NRIP2: variants seen among roughly 807,000 people sequenced by gnomAD.
The protein encoded by NRIP2 is nuclear receptor interacting protein 2.
A neutral mutation model predicts 34.1 loss-of-function variants in NRIP2; 27 were observed. That is an observed-to-expected ratio of 0.79 (90% CI 0.58 to 1.09). NRIP2 has a LOEUF of 1.09. Among genes scored for constraint, NRIP2 ranks in the 50% least tolerant of loss-of-function variants. NRIP2 has a pLI of 0.00. For missense variants in NRIP2, 385 were observed against 352.6 expected, an observed-to-expected ratio of 1.09 and a Z score of -0.74; for synonymous variants, 145 against 146.9, an observed-to-expected ratio of 0.99 and a Z score of 0.09.
At position 2,834,908 on chromosome 12, in the gene NRIP2, G is replaced by T. The variant is rs774536426; in HGVS notation, c.76C>A (p.Gln26Lys). The change falls in exon 1 of 6, where the codon CAG becomes AAG. Residue 26 changes from glutamine (Q) to lysine (K), a missense_variant. Transcript: ENST00000337508. ...GAGTCCTCTCTGCTTCTTCCTGCCT[G>T]TCTCTGTCCCGTGCTGCAGCTCTCT... ...WKESCSTGQRQAGRSREDSVT... is the reference protein window; with the variant it reads ...WKESCSTGQRKAGRSREDSVT... 1.2e-6 allele frequency: 2 copies of T among 1,613,786 alleles called. No homozygotes were observed. The highest frequency in any genetic ancestry group is 2.2e-5 in the South Asian group (2 of 91,054).
At chr12:2,830,985 G>A in intron 1 of NRIP2, 125 bp from the exon 2 acceptor site, 1 of 965,268 alleles carries the variant, frequency 1.0e-6, no homozygotes, top group South Asian at 1.7e-5. Flanking sequence ...CTTACCCTAG[G>A]AGTTTACCCT....
At chr12:2,828,625 A>T (rs1184980601) in intron 2 of NRIP2, among the ~76,000 whole-genome samples, 1 of 152,180 alleles carries the variant, frequency 6.6e-6, no homozygotes, top group Non-Finnish European at 1.5e-5. Context: ...GGATCACCTG[A>T]GGTCGGGAGT....
chr12:2,828,233 T>G (rs771186141), intron 3 of NRIP2, 99 bp downstream of exon 3: 2 of 1,225,068 alleles, frequency 1.6e-6, no homozygotes, highest in Non-Finnish European at 2.4e-6. Context: ...TTTATTGAGA[T>G]AAAATATGCA....
chr12:2,834,888 C>G lies in NRIP2; in HGVS notation c.96G>C (p.Glu32Asp). ...TGQRQAGRSR[E>D]DSVTPPPSSP... ...TGCTCGGTGGGGGCGTCACCGAGTC[C>G]TCTCTGCTTCTTCCTGCCTGTCTCT... is the stretch of plus-strand genomic sequence containing the variant. The change falls in exon 1 of 6, where the codon GAG (glutamate) becomes GAC (aspartate). Residue 32 changes from glutamate (E) to aspartate (D), a missense_variant. By Grantham distance (45) the Glu-to-Asp change is conservative (BLOSUM62 2). Coordinates refer to ENST00000337508, the MANE Select transcript of NRIP2 (RefSeq NM_031474.3). 15 of 1,613,820 alleles carry G rather than the reference C, an allele frequency of 9.3e-6. No individual in the cohort carries two copies. The highest frequency in any genetic ancestry group is 1.2e-5 in the Non-Finnish European group (14 of 1,179,978).
rs765136660 is a variant in NRIP2, at chr12:2,828,070, A to T, written c.579-23T>A. 4 of 1,594,276 alleles carry T rather than the reference A, an allele frequency of 2.5e-6. No homozygotes were observed. In the African/African-American group the frequency reaches 4.0e-5, roughly 16 times the overall value. On this transcript the variant is annotated intron_variant, in intron 3 of 5. Transcript: ENST00000337508. ...AACCTGTGGTTGGGAAGCAAGGGTTATGGCTACCACAGCCCCTAGAGGGTT... is the reference window on the plus strand; with the variant it reads ...AACCTGTGGTTGGGAAGCAAGGGTTTTGGCTACCACAGCCCCTAGAGGGTT...
rs772208890 is a variant in NRIP2 at position 2,828,047 on chromosome 12, C to T, written c.579G>A (p.Gly193=). 6.2e-7 allele frequency: 1 copy of T among 1,612,630 alleles called. No individual in the cohort carries two copies. ...AGGCTTTTAGGACCCTTTTCTCTAA[C>T]CTGTGGTTGGGAAGCAAGGGTTATG... The part of the protein sequence containing the change: ...RISAGCLSRL[G]LEKRVLKASA... Residue 193 remains glycine (G), a splice_region_variant and synonymous_variant, in exon 4 of 6, where the codon GGG becomes GGA. Transcript: ENST00000337508.
At chr12:2,832,135 G>A (rs2098006351) in intron 1 of NRIP2, among the ~76,000 whole-genome samples, 4 of 152,118 alleles carry the variant, frequency 2.6e-5, no homozygotes, top group Admixed American at 2.6e-4. Context: ...TACCGAATCA[G>A]ATGTTTCATT....
At position 2,830,771 on chromosome 12, in the gene NRIP2, A is replaced by G; in HGVS notation, c.432T>C (p.His144=). Residue 144 remains histidine (H), a synonymous_variant, in exon 2 of 6, where the codon CAT becomes CAC. Transcript: ENST00000337508. ...GEPPRMQDLI[H]GQESRRKTSR... ...TGGTCTTCCTCCTGCTCTCCTGGCC[A>G]TGAATCAGGTCCTGCATCCGGGGAG... is the stretch of plus-strand genomic sequence containing the variant. 2 of 1,613,994 alleles carry G rather than the reference A, an allele frequency of 1.2e-6. No individual in the cohort carries two copies. Among genetic ancestry groups the G allele is most frequent in the Non-Finnish European group, 1.7e-6 (2 of 1,179,942 alleles).
intron 2 of NRIP2, among the ~76,000 whole-genome samples, chr12:2,829,151 G>A (rs142731240): frequency 7.7e-4 from 118 of 152,302 alleles, no homozygotes; most frequent in Non-Finnish European, 1.2e-3. Flanking sequence ...ATCCTTGGGA[G>A]TTTGATGGCC....
rs767115475 is a variant in NRIP2, at chr12:2,828,353, G to T, written c.557C>A (p.Ala186Asp). The T allele has an allele frequency of 4.3e-6, 7 of 1,614,148 alleles. No homozygotes were observed. In the South Asian group the frequency reaches 7.7e-5, roughly 18 times the overall value. ...DTGTQYNRIS[A>D]GCLSRLGLEK... ...TTACCCCAGGCGGCTGAGACATCCA[G>T]CAGAGATCCGATTGTATTGGGTGCC... The change falls in exon 3 of 6, where the codon GCT becomes GAT. Residue 186 changes from alanine to aspartate, a missense_variant. Coordinates refer to ENST00000337508, the MANE Select transcript of NRIP2 (RefSeq NM_031474.3).
Position 2,825,763 on chromosome 12 carries a change from C to CT in NRIP2, c.*1443dup. The CT allele has an allele frequency of 6.6e-6, 1 of 152,348 alleles. No individual in the cohort carries two copies. The highest frequency in any genetic ancestry group is 1.5e-5 in the Non-Finnish European group (1 of 68,124). The allele number at this position is 152,348 out of a possible 1,614,324, so 9.4% of individuals were successfully genotyped here. On this transcript the variant is annotated 3_prime_UTR_variant, in exon 6 of 6. Coordinates refer to ENST00000337508, the MANE Select transcript of NRIP2 (RefSeq NM_031474.3). ...GCTGTACCACTGTCTTTCTCTGCTC[C>CT]TTTTTTGTTTGTTTTTGGAGACAGG...
intron 2 of NRIP2, among the ~76,000 whole-genome samples, chr12:2,828,794 A>G (rs2097984259): frequency 6.6e-6 from 1 of 152,198 alleles, no homozygotes; most frequent in Non-Finnish European, 1.5e-5. Flanking sequence ...GTGAGCCAAG[A>G]TCACGCCATT....
chr12:2,830,950 T>TCCCCCCCCCCCCCC (rs544510879), intron 1 of NRIP2, 90 bp from the exon 2 acceptor site: 1 of 1,383,864 alleles, frequency 7.2e-7, no homozygotes, highest in African/African-American at 1.5e-5. Context: ...CCCAGGATGC[T>TCCCCCCCCCCCCCC]CCCCCCACCC....
At position 2,828,330 on chromosome 12, in the gene NRIP2, AC is replaced by A. The variant is rs748930856; in HGVS notation, c.578+1del. 1 of 1,613,794 alleles carries A rather than the reference AC, an allele frequency of 6.2e-7. No homozygotes were observed. The highest frequency in any genetic ancestry group is 8.5e-7 in the Non-Finnish European group (1 of 1,179,852). Reference sequence around the variant, plus strand: ...ACTTGCTTGTTTGGGCCACATTCTTACCCCAGGCGGCTGAGACATCCAGCAG... The same window carrying A: ...ACTTGCTTGTTTGGGCCACATTCTTACCCAGGCGGCTGAGACATCCAGCAG... On this transcript the variant is annotated splice_donor_variant, in intron 3 of 5. Coordinates refer to ENST00000337508, the MANE Select transcript of NRIP2 (RefSeq NM_031474.3). LOFTEE classifies it high-confidence loss of function.
rs1019138827 is a variant in NRIP2 at position 2,826,447 on chromosome 12, C to T, written c.*760G>A. The T allele has an allele frequency of 3.3e-5, 5 of 151,936 alleles. No individual in the cohort carries two copies. The highest frequency in any genetic ancestry group is 3.3e-4 in the Admixed American group (5 of 15,250). 9.4% of individuals were successfully genotyped at this position (151,936 alleles called of 1,614,324 possible). A position where few individuals can be genotyped will look rare whatever the true frequency, so the allele number is the denominator to read the frequency against. Reference sequence around the variant, plus strand: ...AGCAGTTCTCTACAAGGCTCTTCCACACACACACACGCAAGGCTCAGGGGC... The same window carrying T: ...AGCAGTTCTCTACAAGGCTCTTCCATACACACACACGCAAGGCTCAGGGGC... On this transcript the variant is annotated 3_prime_UTR_variant, in exon 6 of 6. Transcript: ENST00000337508.
chr12:2,830,885 G>T, intron 1 of NRIP2, 25 bp from the exon 2 acceptor site: 2 of 1,607,220 alleles, frequency 1.2e-6, no homozygotes, highest in Non-Finnish European at 1.7e-6. Flanking sequence ...AAACAATGAA[G>T]GTAGGCAGTT....
chr12:2,827,425 T>A lies in NRIP2; in HGVS notation c.754-126A>T, dbSNP rs1003098833. 3.9e-6 allele frequency: 6 copies of A among 1,522,696 alleles called. No homozygotes were observed. The African/African-American group carries it at 8.4e-5, about 21-fold the overall frequency. The allele number at this position is 1,522,696 out of a possible 1,614,324, so 94.3% of individuals were successfully genotyped here. A position where few individuals can be genotyped will look rare whatever the true frequency, so the allele number is the denominator to read the frequency against. On this transcript the variant is annotated intron_variant, in intron 5 of 5. Transcript: ENST00000337508. This position sits in a 1 kb window ranked among gnomAD's most constrained non-coding sequence, Gnocchi z 4.0. The stretch of plus-strand genomic sequence containing the variant: ...GCCTTTTGCTCTTCCCCCATCCCCA[T>A]TTCCCTAGACTCCTGTTGAAGGGGG...
At chr12:2,833,907 A>T (rs2098015350) in intron 1 of NRIP2, among the ~76,000 whole-genome samples, 1 of 152,256 alleles carries the variant, frequency 6.6e-6, no homozygotes, top group African/African-American at 2.4e-5. Flanking sequence ...TAAATGGCAG[A>T]GCCAGGATCT....
rs2097962887 is a variant in NRIP2, at chr12:2,825,640, C to T, written c.*1567G>A. On this transcript the variant is annotated 3_prime_UTR_variant, in exon 6 of 6. Coordinates refer to ENST00000337508, the MANE Select transcript of NRIP2 (RefSeq NM_031474.3). ...AGCTGAGAAAGGGCAGGCCAGGTGTCACAGGCAGCTCCTTGCATCCCGGTT... is the reference window on the plus strand; with the variant it reads ...AGCTGAGAAAGGGCAGGCCAGGTGTTACAGGCAGCTCCTTGCATCCCGGTT... 6.5e-6 allele frequency: 1 copy of T among 153,116 alleles called. No homozygotes were observed. The highest frequency in any genetic ancestry group is 1.5e-5 in the Non-Finnish European group (1 of 68,694). The allele number at this position is 153,116 out of a possible 1,614,324, so 9.5% of individuals were successfully genotyped here.
Sources: gnomAD v4.1 joint callset for allele counts (sites outside exome capture counted in the v4.1 genomes callset) on GRCh38, gnomAD v4.1.1 for gene constraint, Gnocchi (gnomAD v3.1) non-coding constraint, MANE v1.5 for transcripts, NCBI Gene and HGNC (gene_info 2026-07-23, HGNC 2026-07-21) for gene names.